ATRN: variants seen among roughly 807,000 people sequenced by gnomAD.
ATRN encodes attractin-2.
Under a neutral mutation model 178.7 loss-of-function variants are expected in ATRN, and 54 were observed. That is an observed-to-expected ratio of 0.30 (90% CI 0.24 to 0.38). The LOEUF (loss-of-function observed/expected upper bound fraction) is 0.38. Among genes scored for constraint, ATRN ranks in the 10% least tolerant of loss-of-function variants. The pLI is 1.00. For synonymous variants in ATRN, 636 were observed against 663.0 expected, an observed-to-expected ratio of 0.96 and a Z score of 0.63; for missense variants, 1,443 against 1,815.1, an observed-to-expected ratio of 0.79 and a Z score of 3.73.
intron 3 of ATRN, 35 bp from the exon 4 acceptor site, chr20:3,545,727 T>G: frequency 6.2e-7 from 1 of 1,608,356 alleles, no homozygotes; most frequent in Non-Finnish European, 8.5e-7. Flanking sequence ...TCTGTGCTTG[T>G]GCTTCCCTCT....
intron 24 of ATRN, among the ~76,000 whole-genome samples, chr20:3,623,721 G>A (rs976056899): frequency 2.0e-5 from 3 of 152,272 alleles, no homozygotes; most frequent in South Asian, 2.1e-4. Context: ...CTAGTAGCAC[G>A]TATATTATCG....
chr20:3,520,730 C>G (rs1335961743), intron 1 of ATRN, among the ~76,000 whole-genome samples: 2 of 152,182 alleles, frequency 1.3e-5, no homozygotes, highest in African/African-American at 4.8e-5. Context: ...CTCCTGGCCT[C>G]AAGTGATCTG....
At chr20:3,539,766 CT>C (rs970931258) in intron 2 of ATRN, among the ~76,000 whole-genome samples, 3 of 151,454 alleles carry the variant, frequency 2.0e-5, no homozygotes, top group African/African-American at 7.3e-5. Flanking sequence ...CCCCCTCCCA[CT>C]TTTTTTTTCC....
rs567525023 is a variant in ATRN at position 3,563,897 on chromosome 20, C to CT, written c.1786+535dup. 4.0e-3 allele frequency among the ~76,000 whole-genome samples: 616 copies of CT among 152,244 alleles called. 2 individuals are homozygous for CT. Among genetic ancestry groups the CT allele is most frequent in the African/African-American group, 0.014 (580 of 41,524 alleles). ...TAAAATACACATAAAATTTACCATCCTAACTATATTTAAATGTCTAGTTTA... is the reference window on the plus strand; with the variant it reads ...TAAAATACACATAAAATTTACCATCCTTAACTATATTTAAATGTCTAGTTTA... On this transcript the variant is annotated intron_variant, in intron 10 of 28. Coordinates refer to ENST00000262919, the MANE Select transcript of ATRN (RefSeq NM_139321.3).
chr20:3,558,929 T>C (rs1292817857), intron 6 of ATRN, among the ~76,000 whole-genome samples: 1 of 152,216 alleles, frequency 6.6e-6, no homozygotes. Flanking sequence ...GCTATAATGG[T>C]ATTCTGGCTT....
At chr20:3,535,616 C>CACACACACAT (rs2085519737) in intron 2 of ATRN, among the ~76,000 whole-genome samples, 1 of 145,232 alleles carries the variant, frequency 6.9e-6, no homozygotes, top group South Asian at 2.1e-4. Flanking sequence ...CACACACACA[C>CACACACACAT]ACACACACAC....
At chr20:3,619,859 T>A (rs1043470424) in intron 24 of ATRN, among the ~76,000 whole-genome samples, 3 of 152,176 alleles carry the variant, frequency 2.0e-5, no homozygotes, top group Non-Finnish European at 2.9e-5. Flanking sequence ...CCCCTCACTC[T>A]TGAGGGCAGC....
chr20:3,540,565 T>G (rs957082800), intron 3 of ATRN, among the ~76,000 whole-genome samples: 16 of 152,232 alleles, frequency 1.1e-4, no homozygotes, highest in African/African-American at 3.9e-4. Flanking sequence ...AGTGCCCTGA[T>G]CTGTAAAATT....
At chr20:3,596,356 A>G in intron 20 of ATRN, 21 bp from the exon 21 acceptor site, 4 of 1,606,576 alleles carry the variant, frequency 2.5e-6, no homozygotes, top group Non-Finnish European at 2.6e-6. Context: ...GCAGTATAAA[A>G]TAGTCTTTTT....
intron 1 of ATRN, among the ~76,000 whole-genome samples, chr20:3,514,235 A>G (rs935532557): frequency 2.6e-5 from 4 of 152,222 alleles, no homozygotes; most frequent in African/African-American, 4.8e-5. Context: ...AGAAAAACCA[A>G]CTTATAAAAA....
chr20:3,532,247 GA>G (rs1413430539), intron 1 of ATRN, among the ~76,000 whole-genome samples: 1 of 152,238 alleles, frequency 6.6e-6, no homozygotes, highest in Non-Finnish European at 1.5e-5. Context: ...GCATAGTGGA[GA>G]GCCATAAAAC....
intron 1 of ATRN, among the ~76,000 whole-genome samples, chr20:3,519,453 G>C (rs1460635094): frequency 6.6e-6 from 1 of 152,120 alleles, no homozygotes; most frequent in Non-Finnish European, 1.5e-5. Flanking sequence ...AAACAATTCA[G>C]TACATGAATT....
rs2086496218 is a variant in ATRN at position 3,594,495 on chromosome 20, G to A, written c.3339G>A (p.Gly1113=). The stretch of plus-strand genomic sequence containing the variant: ...TCTCTGCAGCATGCAAGTGCAATGG[G>A]CACGCGTCTCTGTGCAACACCAACA... ...GGKCQPCKCN[G]HASLCNTNTG... The change falls in exon 20 of 29, where the codon GGG becomes GGA. Residue 1113 remains glycine (G), a synonymous_variant. Transcript: ENST00000262919. The A allele has an allele frequency of 6.2e-7, 1 of 1,610,874 alleles. No individual in the cohort carries two copies. Among genetic ancestry groups the A allele is most frequent in the Non-Finnish European group, 8.5e-7 (1 of 1,177,770 alleles).
In ATRN at chr20:3,485,610, G is replaced by GTTTTTTTTTTTTTTTTTTTT. The variant is rs3084238; in HGVS notation, c.410+14103_410+14122dup. ...TGGTTTGCCAATACATTTTTTTGAG[G>GTTTTTTTTTTTTTTTTTTTT]TTTTTTTTTTTTTTTTTTTTTTTTT... On this transcript the variant is annotated intron_variant, in intron 1 of 28. Coordinates refer to ENST00000262919, the MANE Select transcript of ATRN (RefSeq NM_139321.3). Among the ~76,000 whole-genome samples the GTTTTTTTTTTTTTTTTTTTT allele has an allele frequency of 1.6e-4, 11 of 67,920 alleles. 1 individual carries two copies. The highest frequency in any genetic ancestry group is 4.4e-4 in the African/African-American group (8 of 18,134). 44.6% of individuals were successfully genotyped at this position (67,920 alleles called of 152,430 possible). A position where few individuals can be genotyped will look rare whatever the true frequency, so the allele number is the denominator to read the frequency against.
At chr20:3,485,031 G>C (rs1323926843) in intron 1 of ATRN, among the ~76,000 whole-genome samples, 1 of 151,632 alleles carries the variant, frequency 6.6e-6, no homozygotes. Context: ...CACCTGTCTG[G>C]ATCTAGGCAG....
At chr20:3,617,451 C>G (rs946926436) in intron 24 of ATRN, among the ~76,000 whole-genome samples, 1 of 152,132 alleles carries the variant, frequency 6.6e-6, no homozygotes, top group Non-Finnish European at 1.5e-5. Context: ...TGATAATTTA[C>G]TAAAGCAGGA....
chr20:3,617,232 G>C (rs149439190), intron 24 of ATRN, among the ~76,000 whole-genome samples: 90 of 152,248 alleles, frequency 5.9e-4, no homozygotes, highest in African/African-American at 2.0e-3. Context: ...GATTGTTGTT[G>C]GTTAGAATTT....
At chr20:3,589,858 T>C (rs1369883629) in intron 18 of ATRN, among the ~76,000 whole-genome samples, 2 of 152,206 alleles carry the variant, frequency 1.3e-5, no homozygotes, top group Non-Finnish European at 2.9e-5. Flanking sequence ...AGCATGTTCA[T>C]GGGTGTGGCA....
chr20:3,565,298 G>T, intron 10 of ATRN, 50 bp from the exon 11 acceptor site: 1 of 1,440,308 alleles, frequency 6.9e-7, no homozygotes, highest in Non-Finnish European at 9.6e-7. Flanking sequence ...GTCAGGTCCT[G>T]TTGATTAGAA....
Sources: allele counts gnomAD v4.1 joint callset (sites outside exome capture counted in the v4.1 genomes callset), GRCh38; gene constraint gnomAD v4.1.1; transcripts MANE v1.5; gene names NCBI Gene and HGNC (gene_info 2026-07-23, HGNC 2026-07-21).